Variants in CTNND2 observed in about 807,000 individuals in gnomAD.
CTNND2 encodes the protein catenin delta 2.
A neutral mutation model predicts 144.4 loss-of-function variants in CTNND2; 22 were observed. That is an observed-to-expected ratio of 0.15 (90% CI 0.11 to 0.22). The LOEUF (loss-of-function observed/expected upper bound fraction) is 0.22, where lower values mean the gene tolerates loss of function less well. Ranked by LOEUF, CTNND2 falls within the 10% of genes least tolerant of loss-of-function variation. The probability of loss-of-function intolerance (pLI) is 1.00; values close to 1 mark genes in which losing one functional copy is unlikely to be tolerated. For missense variants in CTNND2, 1,353 were observed against 1,618.8 expected (o/e 0.84, Z 2.82); for synonymous variants, 751 against 695.6 (o/e 1.08, Z -1.25).
chr5:11,650,779 T>C (rs889443858), intron 2 of CTNND2, among the ~76,000 whole-genome samples: 1 of 152,122 alleles, frequency 6.6e-6, no homozygotes, highest in African/African-American at 2.4e-5. Context: ...TGATTTAAGG[T>C]ATCTGGTGGA....
At chr5:11,429,149 G>C (rs1377175155) in intron 3 of CTNND2, among the ~76,000 whole-genome samples, 2 of 152,120 alleles carry the variant, frequency 1.3e-5, no homozygotes, top group Admixed American at 1.3e-4. Flanking sequence ...CTTTTCAAGT[G>C]CCACTGCATG....
intron 9 of CTNND2, among the ~76,000 whole-genome samples, chr5:11,289,623 G>T (rs1023678091): frequency 5.9e-5 from 9 of 152,166 alleles, no homozygotes; most frequent in Non-Finnish European, 1.0e-4. Flanking sequence ...CAACCCAAAA[G>T]ATTAAACCAT....
intron 18 of CTNND2, among the ~76,000 whole-genome samples, chr5:10,994,083 A>C (rs1199037073): frequency 1.3e-5 from 2 of 150,744 alleles, no homozygotes; most frequent in African/African-American, 2.4e-5. Flanking sequence ...CATTATCTGC[A>C]TTCTACAGGA....
chr5:11,487,099 C>A (rs1768904515), intron 3 of CTNND2, among the ~76,000 whole-genome samples: 1 of 152,056 alleles, frequency 6.6e-6, no homozygotes, highest in Non-Finnish European at 1.5e-5. Flanking sequence ...ATTTTATTTT[C>A]TTTGCTGAAA....
At chr5:11,766,790 T>G (rs932389677) in intron 1 of CTNND2, among the ~76,000 whole-genome samples, 1 of 152,170 alleles carries the variant, frequency 6.6e-6, no homozygotes, top group African/African-American at 2.4e-5. Flanking sequence ...GAATTCTATT[T>G]CTTATCTCCT....
chr5:11,527,432 G>T (rs1397383139), intron 3 of CTNND2, among the ~76,000 whole-genome samples: 1 of 152,020 alleles, frequency 6.6e-6, no homozygotes, highest in Non-Finnish European at 1.5e-5. Flanking sequence ...CCCGCACAAG[G>T]CCTTCTGGGA....
At chr5:11,828,332 C>A (rs796157233) in intron 1 of CTNND2, among the ~76,000 whole-genome samples, 1 of 151,872 alleles carries the variant, frequency 6.6e-6, no homozygotes, top group Non-Finnish European at 1.5e-5. Flanking sequence ...GAGTTCGAGA[C>A]CAGCCTGGCC....
intron 8 of CTNND2, among the ~76,000 whole-genome samples, chr5:11,361,206 A>G (rs1561277087): frequency 1.3e-5 from 2 of 152,144 alleles, no homozygotes. Context: ...TTTTTAGTAG[A>G]GACGGGGTTT....
chr5:11,237,058 C>T (rs1276199740), intron 9 of CTNND2, among the ~76,000 whole-genome samples: 2 of 149,848 alleles, frequency 1.3e-5, no homozygotes, highest in African/African-American at 2.5e-5. Context: ...CTCACTCTGT[C>T]GCCCAGGCTG....
chr5:11,420,798 T>C (rs1762306703), intron 3 of CTNND2, among the ~76,000 whole-genome samples: 1 of 152,220 alleles, frequency 6.6e-6, no homozygotes, highest in Non-Finnish European at 1.5e-5. Context: ...TGATATATCT[T>C]CTTTTTGCTT....
At chr5:11,432,523 T>A (rs1280879370) in intron 3 of CTNND2, among the ~76,000 whole-genome samples, 1 of 152,212 alleles carries the variant, frequency 6.6e-6, no homozygotes, top group Non-Finnish European at 1.5e-5. Flanking sequence ...CAGCTAGGTG[T>A]GCATGACTCT....
chr5:11,409,976 T>A (rs1024485563), intron 5 of CTNND2, among the ~76,000 whole-genome samples: 1 of 152,112 alleles, frequency 6.6e-6, no homozygotes, highest in African/African-American at 2.4e-5. Flanking sequence ...TATTAAATGT[T>A]ACTCCTTCTC....
At chr5:11,139,474 G>A (rs1756489673) in intron 12 of CTNND2, among the ~76,000 whole-genome samples, 1 of 152,198 alleles carries the variant, frequency 6.6e-6, no homozygotes, top group African/African-American at 2.4e-5. Context: ...TCACCTCCCT[G>A]GGGTAACCAC....
chr5:11,796,812 G>A (rs1581899587), intron 1 of CTNND2, among the ~76,000 whole-genome samples: 1 of 152,048 alleles, frequency 6.6e-6, no homozygotes, highest in East Asian at 2.0e-4. Context: ...CAAAACAGTA[G>A]GAAAATATAT....
chr5:11,309,849 C>T (rs1452728611), intron 9 of CTNND2, among the ~76,000 whole-genome samples: 3 of 152,128 alleles, frequency 2.0e-5, no homozygotes, highest in Non-Finnish European at 4.4e-5. Flanking sequence ...TTCCCCCCTG[C>T]TTCTCTAGTG....
At chr5:11,571,518 T>G (rs1285142824) in intron 2 of CTNND2, among the ~76,000 whole-genome samples, 1 of 152,156 alleles carries the variant, frequency 6.6e-6, no homozygotes, top group Non-Finnish European at 1.5e-5. Context: ...TTGTGGTCCC[T>G]GCGTCAAGAG....
chr5:11,263,638 A>T (rs1745143804), intron 9 of CTNND2, among the ~76,000 whole-genome samples: 1 of 152,186 alleles, frequency 6.6e-6, no homozygotes, highest in African/African-American at 2.4e-5. Flanking sequence ...CAGTGGTGGC[A>T]CCATGAACCA....
intron 9 of CTNND2, among the ~76,000 whole-genome samples, chr5:11,278,048 C>T (rs1746733193): frequency 2.0e-5 from 3 of 152,196 alleles, no homozygotes; most frequent in African/African-American, 7.2e-5. Flanking sequence ...CTCTGTCCTG[C>T]TCCAACACAT....
chr5:11,159,111 G>C (rs946539193), intron 12 of CTNND2, among the ~76,000 whole-genome samples: 3 of 152,106 alleles, frequency 2.0e-5, no homozygotes, highest in Non-Finnish European at 4.4e-5. Context: ...AAGAATTATA[G>C]AATCTTACAG....
Sources: allele counts gnomAD v4.1 joint callset (sites outside exome capture counted in the v4.1 genomes callset), GRCh38; gene constraint gnomAD v4.1.1; transcripts MANE v1.5; gene names NCBI Gene and HGNC (gene_info 2026-07-23, HGNC 2026-07-21).